The following ADAMTS17 variants were observed in gnomAD, a reference collection of about 807,000 sequenced individuals.
The protein encoded by ADAMTS17 is A disintegrin and metalloproteinase with thrombospondin motifs 17.
ADAMTS17 carries 113 observed loss-of-function variants against 141.5 expected under a neutral mutation model. That is an observed-to-expected ratio of 0.80 (90% CI 0.69 to 0.93). The LOEUF (loss-of-function observed/expected upper bound fraction) is 0.93. ADAMTS17 is among the 40% of genes least tolerant of loss of function. The pLI is 0.00. For synonymous variants in ADAMTS17, 768 were observed against 630.6 expected (o/e 1.22, Z -3.27); for missense variants, 1,659 against 1,517.9 (o/e 1.09, Z -1.54).
chr15:100,099,080 C>A (rs934524583), intron 14 of ADAMTS17, among the ~76,000 whole-genome samples: 2 of 152,204 alleles, frequency 1.3e-5, no homozygotes, highest in Non-Finnish European at 2.9e-5. Flanking sequence ...CCCATTTGGT[C>A]CAGTTTCCTC....
At chr15:100,233,440 TGTCCTGA>T (rs2042553757) in intron 7 of ADAMTS17, among the ~76,000 whole-genome samples, 1 of 151,958 alleles carries the variant, frequency 6.6e-6, no homozygotes. Context: ...CCTAGCACTG[TGTCCTGA>T]GTCCTTCATC....
intron 2 of ADAMTS17, chr15:100,338,875 G>C: frequency 1.1e-6 from 1 of 873,540 alleles, no homozygotes; most frequent in Non-Finnish European, 1.4e-6. Context: ...AGTCTGCAAT[G>C]CAAACTTGGT....
intron 7 of ADAMTS17, among the ~76,000 whole-genome samples, chr15:100,246,030 G>T (rs2042976840): frequency 6.6e-6 from 1 of 152,094 alleles, no homozygotes; most frequent in Non-Finnish European, 1.5e-5. Context: ...ATGTTCTCGG[G>T]ATCGCCAGTC....
chr15:100,109,216 G>A, intron 13 of ADAMTS17, 100 bp from the exon 14 acceptor site: 3 of 1,498,540 alleles, frequency 2.0e-6, no homozygotes, highest in Non-Finnish European at 2.7e-6. Flanking sequence ...GAGGAAGAGA[G>A]GTCCGCACAG....
At chr15:100,196,897 T>C (rs1208828315) in intron 8 of ADAMTS17, among the ~76,000 whole-genome samples, 2 of 152,222 alleles carry the variant, frequency 1.3e-5, no homozygotes, top group African/African-American at 4.8e-5. Context: ...CTGGGAAACC[T>C]GTAATTACCC....
At position 100,152,942 on chromosome 15, in the gene ADAMTS17, T is replaced by G. The variant is rs28530608; in HGVS notation, c.1323-180A>C. ...GCTTTTTTGCTGTGCATTCCTCTTT[T>G]TCTACATGGCCAAATGTGAATCTTC... On this transcript the variant is annotated intron_variant, in intron 9 of 21. Transcript: ENST00000268070. 0.34 allele frequency among the ~76,000 whole-genome samples: 11,219 copies of G among 33,298 alleles called. 1,095 individuals are homozygous for G. Among genetic ancestry groups the G allele is most frequent in the African/African-American group, 0.43 (9,088 of 20,924 alleles). The allele number at this position is 33,298 out of a possible 152,430, so 21.8% of individuals were successfully genotyped here.
At chr15:100,217,274 G>T (rs889652747) in intron 7 of ADAMTS17, among the ~76,000 whole-genome samples, 5 of 152,084 alleles carry the variant, frequency 3.3e-5, no homozygotes, top group African/African-American at 1.2e-4. Flanking sequence ...CCCCTACTTC[G>T]CATCATACAC....
intron 11 of ADAMTS17, among the ~76,000 whole-genome samples, chr15:100,132,556 C>T (rs112101704): frequency 2.6e-5 from 4 of 152,228 alleles, no homozygotes; most frequent in Non-Finnish European, 4.4e-5. Flanking sequence ...GGCGATGGCA[C>T]AGCCAGCTCC....
At chr15:100,088,519 C>A (rs893603683) in intron 15 of ADAMTS17, among the ~76,000 whole-genome samples, 3 of 152,040 alleles carry the variant, frequency 2.0e-5, no homozygotes, top group Admixed American at 2.0e-4. Flanking sequence ...AAAAAAATAG[C>A]CCGCATCGCC....
In ADAMTS17 at chr15:100,112,226, G is replaced by C. The variant is rs563192635; in HGVS notation, c.1889-3110C>G. On this transcript the variant is annotated intron_variant, in intron 13 of 21. Coordinates refer to ENST00000268070, the MANE Select transcript of ADAMTS17 (RefSeq NM_139057.4). ...CCTCAGCTGGAGGGATGCTGGCCACGAGCCTTGCACGAAGGAACGCTCAGC... is the reference window on the plus strand; with the variant it reads ...CCTCAGCTGGAGGGATGCTGGCCACCAGCCTTGCACGAAGGAACGCTCAGC... 9.2e-5 allele frequency among the ~76,000 whole-genome samples: 14 copies of C among 152,272 alleles called. No homozygotes were observed. In the East Asian group the frequency reaches 1.2e-3, roughly 13 times the overall value.
At chr15:100,319,134 G>C (rs2045652323) in intron 3 of ADAMTS17, among the ~76,000 whole-genome samples, 2 of 152,270 alleles carry the variant, frequency 1.3e-5, no homozygotes, top group Non-Finnish European at 2.9e-5. Context: ...GCAGGGCATA[G>C]GGGACTCCCA....
chr15:100,072,902 C>G (rs2034083033), intron 15 of ADAMTS17, among the ~76,000 whole-genome samples: 1 of 152,156 alleles, frequency 6.6e-6, no homozygotes. Context: ...CCAAAATTGA[C>G]AAATGGGACA....
intron 4 of ADAMTS17, among the ~76,000 whole-genome samples, chr15:100,279,827 G>A (rs2044223444): frequency 1.3e-5 from 2 of 152,148 alleles, no homozygotes; most frequent in South Asian, 4.2e-4. Context: ...CAGCTGAGTT[G>A]TAGCTGTTTC....
chr15:100,157,538 T>A (rs2039491582), intron 8 of ADAMTS17, among the ~76,000 whole-genome samples: 1 of 152,178 alleles, frequency 6.6e-6, no homozygotes, highest in South Asian at 2.1e-4. Flanking sequence ...TGGACTGCTA[T>A]CAACCTCAGA....
chr15:100,340,648 C>G (rs2046335115), intron 2 of ADAMTS17, among the ~76,000 whole-genome samples: 1 of 152,180 alleles, frequency 6.6e-6, no homozygotes, highest in South Asian at 2.1e-4. Flanking sequence ...CACAGGTACT[C>G]CCGTGACATA....
intron 4 of ADAMTS17, among the ~76,000 whole-genome samples, chr15:100,272,066 C>T (rs764928173): frequency 3.3e-5 from 5 of 152,122 alleles, no homozygotes; most frequent in Non-Finnish European, 5.9e-5. Context: ...TTTTACTGAT[C>T]TTTGGGTTTG....
At chr15:100,215,374 C>T (rs1001817029) in intron 7 of ADAMTS17, among the ~76,000 whole-genome samples, 1 of 152,172 alleles carries the variant, frequency 6.6e-6, no homozygotes, top group Non-Finnish European at 1.5e-5. Context: ...GAATGTCTGG[C>T]GTTCTTCTGA....
chr15:100,204,769 A>C (rs2041467253), intron 7 of ADAMTS17, among the ~76,000 whole-genome samples: 1 of 152,214 alleles, frequency 6.6e-6, no homozygotes, highest in African/African-American at 2.4e-5. Context: ...TAGGGGTGGG[A>C]AAATCCTAAC....
chr15:100,299,333 C>A (rs929939057), intron 3 of ADAMTS17, among the ~76,000 whole-genome samples: 3 of 151,628 alleles, frequency 2.0e-5, no homozygotes, highest in Non-Finnish European at 4.4e-5. Context: ...TCGGGGGACT[C>A]GCAGGCAGGA....
Sources: gnomAD v4.1 joint callset for allele counts (sites outside exome capture counted in the v4.1 genomes callset) on GRCh38, gnomAD v4.1.1 for gene constraint, MANE v1.5 for transcripts, NCBI Gene and HGNC (gene_info 2026-07-23, HGNC 2026-07-21) for gene names.